UVRAG: variants seen among roughly 807,000 people sequenced by gnomAD.
UVRAG encodes the protein UV radiation resistance-associated gene protein.
A neutral mutation model predicts 78.0 loss-of-function variants in UVRAG; 19 were observed. The ratio of observed to expected loss-of-function variants is 0.24; its 90% CI spans 0.17 to 0.36. The LOEUF (loss-of-function observed/expected upper bound fraction) is 0.36. UVRAG is among the 10% of genes least tolerant of loss of function. The pLI is 1.00. For synonymous variants in UVRAG, 323 were observed against 324.6 expected (o/e 1.00, Z 0.05); for missense variants, 740 against 853.8 (o/e 0.87, Z 1.66).
In UVRAG at chr11:75,991,591, A is replaced by G. The variant is rs143752436; in HGVS notation, c.826+8078A>G. On this transcript the variant is annotated intron_variant, in intron 8 of 14. Coordinates refer to ENST00000356136, the MANE Select transcript of UVRAG (RefSeq NM_003369.4). The stretch of plus-strand genomic sequence containing the variant: ...GAGATTAAGTAACTTACTTAAATTC[A>G]TGTAGCTAATGAGAGGTGATGTTGA... Among the ~76,000 whole-genome samples, 162 of 152,274 alleles carry G rather than the reference A, an allele frequency of 1.1e-3. 1 individual carries two copies. The East Asian group carries it at 0.026, about 25-fold the overall frequency.
At chr11:75,856,165 AT>A (rs1339749634) in intron 2 of UVRAG, among the ~76,000 whole-genome samples, 1 of 150,428 alleles carries the variant, frequency 6.6e-6, no homozygotes, top group African/African-American at 2.4e-5. Context: ...AATTTTTTGT[AT>A]TTTTAGTAGA....
intron 13 of UVRAG, among the ~76,000 whole-genome samples, chr11:76,074,720 A>G (rs1265195170): frequency 6.6e-6 from 1 of 152,206 alleles, no homozygotes; most frequent in Non-Finnish European, 1.5e-5. Context: ...TCCTACTAAC[A>G]TTATTTGTTT....
intron 1 of UVRAG, among the ~76,000 whole-genome samples, chr11:75,844,113 A>C (rs1945978822): frequency 6.6e-6 from 1 of 152,224 alleles, no homozygotes. Context: ...AGGTAGAGTT[A>C]ACTCTACTGA....
chr11:76,127,242 T>C (rs943707798), intron 14 of UVRAG, among the ~76,000 whole-genome samples: 9 of 152,202 alleles, frequency 5.9e-5, no homozygotes, highest in African/African-American at 2.2e-4. Context: ...AAAATGCAAG[T>C]GATCACATTA....
At chr11:76,118,317 A>AT (rs1952221556) in intron 14 of UVRAG, among the ~76,000 whole-genome samples, 1 of 151,966 alleles carries the variant, frequency 6.6e-6, no homozygotes, top group Admixed American at 6.5e-5. Context: ...ATTCTCTTGG[A>AT]TTTTTTGTGT....
intron 14 of UVRAG, among the ~76,000 whole-genome samples, chr11:76,132,821 T>G (rs1019883075): frequency 2.0e-5 from 3 of 152,156 alleles, no homozygotes; most frequent in Admixed American, 6.5e-5. Flanking sequence ...CTAAAAATTT[T>G]TCTCATTCTC....
chr11:75,831,440 A>G (rs1025520671), intron 1 of UVRAG, among the ~76,000 whole-genome samples: 1 of 152,146 alleles, frequency 6.6e-6, no homozygotes, highest in Non-Finnish European at 1.5e-5. Flanking sequence ...GTTAGCCAAG[A>G]TCGCACCATT....
intron 7 of UVRAG, among the ~76,000 whole-genome samples, chr11:75,967,927 C>T (rs984185566): frequency 2.6e-5 from 4 of 152,176 alleles, no homozygotes; most frequent in African/African-American, 9.7e-5. Context: ...GGAACCCTCA[C>T]AATTCCCAGG....
chr11:75,980,533 T>G (rs973760338), intron 7 of UVRAG, among the ~76,000 whole-genome samples: 3 of 152,196 alleles, frequency 2.0e-5, no homozygotes, highest in Non-Finnish European at 4.4e-5. Flanking sequence ...TTGGTTTATA[T>G]TAGCTAAATT....
intron 3 of UVRAG, among the ~76,000 whole-genome samples, chr11:75,872,788 G>T (rs547841812): frequency 6.6e-6 from 1 of 152,176 alleles, no homozygotes; most frequent in Non-Finnish European, 1.5e-5. Context: ...ATAATTCTTA[G>T]CATCAGCTTC....
At chr11:75,816,892 G>A (rs946913539) in intron 1 of UVRAG, among the ~76,000 whole-genome samples, 1 of 152,196 alleles carries the variant, frequency 6.6e-6, no homozygotes, top group African/African-American at 2.4e-5. Context: ...AAGAGTTGGA[G>A]ATAATAACCA....
At chr11:76,008,676 A>G (rs1949995780) in intron 10 of UVRAG, 131 bp from the exon 11 acceptor site, 1 of 490,142 alleles carries the variant, frequency 2.0e-6, no homozygotes, top group Non-Finnish European at 3.7e-6. Flanking sequence ...CTCATCATCC[A>G]GCTTCAACAA....
chr11:75,918,594 A>G (rs1273498623), intron 6 of UVRAG, among the ~76,000 whole-genome samples: 1 of 152,116 alleles, frequency 6.6e-6, no homozygotes, highest in African/African-American at 2.4e-5. Flanking sequence ...TTACTGTGTT[A>G]TAAATAGTTC....
At chr11:75,872,608 C>T (rs1946679347) in intron 3 of UVRAG, among the ~76,000 whole-genome samples, 2 of 152,026 alleles carry the variant, frequency 1.3e-5, no homozygotes, top group Admixed American at 1.3e-4. Flanking sequence ...AGGCTGGTCT[C>T]AATCTCCTGA....
intron 6 of UVRAG, among the ~76,000 whole-genome samples, chr11:75,912,973 C>T (rs1222267763): frequency 6.6e-6 from 1 of 152,120 alleles, no homozygotes; most frequent in African/African-American, 2.4e-5. Context: ...TTGGTTCTTG[C>T]TTGAGAGATG....
At chr11:75,894,278 T>G (rs1947290365) in intron 5 of UVRAG, among the ~76,000 whole-genome samples, 1 of 152,122 alleles carries the variant, frequency 6.6e-6, no homozygotes, top group South Asian at 2.1e-4. Context: ...GTTTCAAAAC[T>G]TCTATAGCAA....
At position 76,143,755 on chromosome 11, in the gene UVRAG, C is replaced by T; in HGVS notation, c.*2342C>T. Among the ~76,000 whole-genome samples, 1 of 152,236 alleles carries T rather than the reference C, an allele frequency of 6.6e-6. No homozygotes were observed. The highest frequency in any genetic ancestry group is 1.9e-4 in the East Asian group (1 of 5,198). The stretch of plus-strand genomic sequence containing the variant: ...CAAAGTTGTAGAGTTAGTATGGCCT[C>T]TGTTTAAAGTGGCTGGGGCCAAAAT... On this transcript the variant is annotated 3_prime_UTR_variant, in exon 15 of 15. Coordinates refer to ENST00000356136, the MANE Select transcript of UVRAG (RefSeq NM_003369.4).
chr11:75,825,974 T>C (rs2135811192), intron 1 of UVRAG, among the ~76,000 whole-genome samples: 1 of 152,008 alleles, frequency 6.6e-6, no homozygotes, highest in South Asian at 2.1e-4. Context: ...GTAGTTGGGA[T>C]TACAGGCGCC....
chr11:76,039,256 A>C (rs1228746894), intron 12 of UVRAG, among the ~76,000 whole-genome samples: 1 of 152,226 alleles, frequency 6.6e-6, no homozygotes, highest in African/African-American at 2.4e-5. Flanking sequence ...TAAAGCATCA[A>C]ATGTTGGCCA....
Sources: gnomAD v4.1 joint callset for allele counts (sites outside exome capture counted in the v4.1 genomes callset) on GRCh38, gnomAD v4.1.1 for gene constraint, MANE v1.5 for transcripts, NCBI Gene and HGNC (gene_info 2026-07-23, HGNC 2026-07-21) for gene names.